The following SMARCC1 variants were observed in gnomAD, a reference collection of about 807,000 sequenced individuals.
The protein encoded by SMARCC1 is SWI/SNF related BAF chromatin remodeling complex subunit C1, also known as SWI/SNF complex subunit SMARCC1.
SMARCC1 carries 43 observed loss-of-function variants against 147.4 expected under a neutral mutation model. That is an observed-to-expected ratio of 0.29 (90% confidence interval 0.23 to 0.38). The LOEUF is 0.38. Among genes scored for constraint, SMARCC1 ranks in the 10% least tolerant of loss-of-function variants. The pLI is 1.00. For missense variants in SMARCC1, 1,119 were observed against 1,381.1 expected, an observed-to-expected ratio of 0.81 and a Z score of 3.01; for synonymous variants, 495 against 484.4, an observed-to-expected ratio of 1.02 and a Z score of -0.29.
At chr3:47,757,541 C>T (rs1463806363) in intron 2 of SMARCC1, among the ~76,000 whole-genome samples, 1 of 151,990 alleles carries the variant, frequency 6.6e-6, no homozygotes, top group Non-Finnish European at 1.5e-5. Context: ...CTTTGGGAGG[C>T]CAAGGCAGGT....
chr3:47,602,167 TG>T (rs2032398213), intron 26 of SMARCC1, among the ~76,000 whole-genome samples: 1 of 152,118 alleles, frequency 6.6e-6, no homozygotes, highest in South Asian at 2.1e-4. Flanking sequence ...AGCACATGCC[TG>T]TAAGTCCCAG....
At chr3:47,734,773 AT>A (rs1174411049) in intron 5 of SMARCC1, among the ~76,000 whole-genome samples, 3 of 152,102 alleles carry the variant, frequency 2.0e-5, no homozygotes, top group Admixed American at 2.0e-4. Flanking sequence ...AGGGGGCAGA[AT>A]TTTTCTGAGA....
At chr3:47,758,680 T>C (rs894330342) in intron 2 of SMARCC1, among the ~76,000 whole-genome samples, 1 of 152,138 alleles carries the variant, frequency 6.6e-6, no homozygotes, top group Non-Finnish European at 1.5e-5. Flanking sequence ...GCCTAAAATA[T>C]TTACTATCTA....
At chr3:47,741,572 ACTC>A (rs1021656090) in intron 3 of SMARCC1, among the ~76,000 whole-genome samples, 1 of 150,682 alleles carries the variant, frequency 6.6e-6, no homozygotes, top group African/African-American at 2.4e-5. Flanking sequence ...CTTTTCCCTT[ACTC>A]CTCCAACTAC....
At chr3:47,634,265 A>C (rs1371174662) in intron 24 of SMARCC1, among the ~76,000 whole-genome samples, 1 of 152,170 alleles carries the variant, frequency 6.6e-6, no homozygotes, top group Non-Finnish European at 1.5e-5. Flanking sequence ...GGGTTGACTG[A>C]GCATTTGCTG....
At chr3:47,733,078 G>C (rs1292491570) in intron 5 of SMARCC1, among the ~76,000 whole-genome samples, 1 of 152,066 alleles carries the variant, frequency 6.6e-6, no homozygotes, top group Non-Finnish European at 1.5e-5. Context: ...CTGCGCTCCA[G>C]CTGGGCGACA....
chr3:47,635,652 A>G (rs955761367), intron 23 of SMARCC1, among the ~76,000 whole-genome samples: 3 of 152,196 alleles, frequency 2.0e-5, no homozygotes, highest in African/African-American at 7.2e-5. Context: ...TTGCTCATCA[A>G]TCAATGAAAT....
chr3:47,724,519 T>C (rs2034275135), intron 6 of SMARCC1, among the ~76,000 whole-genome samples: 1 of 152,202 alleles, frequency 6.6e-6, no homozygotes, highest in South Asian at 2.1e-4. Context: ...AAGGATGGCT[T>C]TGAATGTAGC....
intron 25 of SMARCC1, among the ~76,000 whole-genome samples, chr3:47,619,662 C>A (rs1027547110): frequency 6.6e-6 from 1 of 152,174 alleles, no homozygotes; most frequent in African/African-American, 2.4e-5. Flanking sequence ...GCTCCCGGGG[C>A]AGGAGACAAT....
intron 24 of SMARCC1, among the ~76,000 whole-genome samples, chr3:47,630,770 A>G (rs1576392819): frequency 6.6e-6 from 1 of 152,182 alleles, no homozygotes; most frequent in African/African-American, 2.4e-5. Flanking sequence ...ACACCTCCAG[A>G]AAGAGTTTCA....
intron 5 of SMARCC1, 70 bp downstream of exon 5, chr3:47,735,964 T>C: frequency 1.5e-6 from 1 of 672,462 alleles, no homozygotes; most frequent in Non-Finnish European, 2.4e-6. Context: ...GGTTGTCATT[T>C]ATTAGAGGCT....
chr3:47,603,598 C>T (rs2032423292), intron 26 of SMARCC1: 1 of 189,256 alleles, frequency 5.3e-6, no homozygotes, highest in Non-Finnish European at 1.1e-5. Flanking sequence ...GAATACCACA[C>T]ATGTGCTTAA....
chr3:47,739,849 T>A (rs2034488042), intron 3 of SMARCC1, among the ~76,000 whole-genome samples: 1 of 152,168 alleles, frequency 6.6e-6, no homozygotes. Context: ...CCCAAGTCAC[T>A]TGCTCTATAA....
chr3:47,706,363 C>A, intron 10 of SMARCC1, 46 bp downstream of exon 10: 1 of 1,458,890 alleles, frequency 6.9e-7, no homozygotes, highest in South Asian at 1.5e-5. Context: ...TAAGCCACCA[C>A]GTCCGGCCTG....
intron 18 of SMARCC1, among the ~76,000 whole-genome samples, chr3:47,673,396 G>GGT (rs1553682245): frequency 0.011 from 315 of 29,398 alleles, 37 homozygotes; most frequent in African/African-American, 0.023. Context: ...AAAAAAAAAA[G>GGT]GGTGGGGGGG....
At position 47,671,334 on chromosome 3, in the gene SMARCC1, A is replaced by G. The variant is rs180990267; in HGVS notation, c.1840-617T>C. Among the ~76,000 whole-genome samples, 228 of 152,286 alleles carry G rather than the reference A, an allele frequency of 1.5e-3. 3 individuals are homozygous for G. The highest frequency in any genetic ancestry group is 0.012 in the South Asian group (58 of 4,832). On this transcript the variant is annotated intron_variant, in intron 18 of 27. Transcript: ENST00000254480. Reference sequence around the variant, plus strand: ...CTAAAAAGGCATATTGTTTTACTGCATACCATAAATCAGCTGTAATATCAC... The same window carrying G: ...CTAAAAAGGCATATTGTTTTACTGCGTACCATAAATCAGCTGTAATATCAC...
chr3:47,648,242 G>A (rs1284819117), intron 21 of SMARCC1, among the ~76,000 whole-genome samples: 2 of 152,078 alleles, frequency 1.3e-5, no homozygotes, highest in Admixed American at 6.5e-5. Flanking sequence ...TGATCTGTAT[G>A]CCTCAGCCTC....
In SMARCC1 at chr3:47,775,609, T is replaced by G. The variant is rs572796503; in HGVS notation, c.196-2673A>C. On this transcript the variant is annotated intron_variant, in intron 1 of 27. Transcript: ENST00000254480. ...TAAAGCAGTGAAACCCCGTCTCTACTAAAAATACAAAAACTAGCCGTGCAT... is the reference window on the plus strand; with the variant it reads ...TAAAGCAGTGAAACCCCGTCTCTACGAAAAATACAAAAACTAGCCGTGCAT... Among the ~76,000 whole-genome samples the G allele has an allele frequency of 7.2e-4, 108 of 150,606 alleles. 1 individual carries two copies. Among genetic ancestry groups the G allele is most frequent in the African/African-American group, 2.5e-3 (104 of 41,062 alleles).
At chr3:47,726,061 C>CAAAATAAAAAAAA (rs2034296135) in intron 6 of SMARCC1, among the ~76,000 whole-genome samples, 1 of 50,782 alleles carries the variant, frequency 2.0e-5, no homozygotes, top group Non-Finnish European at 3.5e-5. Flanking sequence ...GACTCTGTCT[C>CAAAATAAAAAAAA]AAAAAAAAAA....
Sources: gnomAD v4.1 joint callset for allele counts (sites outside exome capture counted in the v4.1 genomes callset) on GRCh38, gnomAD v4.1.1 for gene constraint, MANE v1.5 for transcripts, NCBI Gene and HGNC (gene_info 2026-07-23, HGNC 2026-07-21) for gene names.